The following PTPRN2 variants were observed in gnomAD, a reference collection of about 807,000 sequenced individuals.
The protein encoded by PTPRN2 is protein tyrosine phosphatase receptor type N2, also known as receptor-type tyrosine-protein phosphatase N2.
In PTPRN2, 74 loss-of-function variants were observed where a neutral mutation model predicts 118.8. That is an observed-to-expected ratio of 0.62 (90% CI 0.52 to 0.76). The LOEUF is 0.76. Among genes scored for constraint, PTPRN2 ranks in the 30% least tolerant of loss-of-function variants. The pLI, the probability that PTPRN2 is intolerant of heterozygous loss-of-function variation, is 0.00. For missense variants in PTPRN2, 1,481 were observed against 1,394.4 expected, an observed-to-expected ratio of 1.06 and a Z score of -0.99; for synonymous variants, 641 against 608.0, an observed-to-expected ratio of 1.05 and a Z score of -0.80.
chr7:157,899,745 G>T (rs1797335448), intron 11 of PTPRN2, among the ~76,000 whole-genome samples: 1 of 152,096 alleles, frequency 6.6e-6, no homozygotes, highest in South Asian at 2.1e-4. Flanking sequence ...ATTGTCTTAT[G>T]GAAAGTTTTT....
intron 12 of PTPRN2, among the ~76,000 whole-genome samples, chr7:157,835,511 C>T (rs777423227): frequency 1.1e-4 from 16 of 152,272 alleles, no homozygotes; most frequent in African/African-American, 2.4e-4. Flanking sequence ...ATATTAGAGA[C>T]GTACGGCACA....
intron 3 of PTPRN2, among the ~76,000 whole-genome samples, chr7:158,313,017 T>C (rs1801993747): frequency 6.6e-6 from 1 of 151,784 alleles, no homozygotes; most frequent in Non-Finnish European, 1.5e-5. Context: ...GGTGTGTGCG[T>C]GTGTGGGTAT....
In PTPRN2 at chr7:158,184,418, A is replaced by G. The variant is rs995302942; in HGVS notation, c.549+7909T>C. 6.6e-5 allele frequency among the ~76,000 whole-genome samples: 10 copies of G among 152,340 alleles called. No individual in the cohort carries two copies. The East Asian group carries it at 1.2e-3, about 18-fold the overall frequency. The stretch of plus-strand genomic sequence containing the variant: ...AATTGTTGCTAGTATACAGAAATAA[A>G]TTAATTTTTGTGTGCTGACTTTGCA... On this transcript the variant is annotated intron_variant, in intron 5 of 22. Coordinates refer to ENST00000389418, the MANE Select transcript of PTPRN2 (RefSeq NM_002847.5).
At chr7:157,875,686 G>T (rs558930166) in intron 12 of PTPRN2, among the ~76,000 whole-genome samples, 19 of 152,316 alleles carry the variant, frequency 1.2e-4, no homozygotes, top group South Asian at 4.1e-4. Context: ...AGCACCTTGG[G>T]CCTCGGGGGT....
At chr7:157,738,744 G>T (rs1272480523) in intron 12 of PTPRN2, among the ~76,000 whole-genome samples, 1 of 152,090 alleles carries the variant, frequency 6.6e-6, no homozygotes, top group Non-Finnish European at 1.5e-5. Context: ...TTATTTCAGA[G>T]CTCCGTGCTG....
intron 11 of PTPRN2, among the ~76,000 whole-genome samples, chr7:158,071,685 G>GTA (rs1410457787): frequency 7.6e-6 from 1 of 131,044 alleles, no homozygotes; most frequent in African/African-American, 2.8e-5. Flanking sequence ...GGTGCTCCTG[G>GTA]TGGAGGTGCT....
At chr7:158,041,905 C>T (rs1236144946) in intron 11 of PTPRN2, among the ~76,000 whole-genome samples, 1 of 152,200 alleles carries the variant, frequency 6.6e-6, no homozygotes, top group African/African-American at 2.4e-5. Context: ...GACAGACTTC[C>T]TTCAGCCATG....
chr7:157,930,573 G>A (rs937236337), intron 11 of PTPRN2, among the ~76,000 whole-genome samples: 7 of 152,218 alleles, frequency 4.6e-5, no homozygotes, highest in Admixed American at 1.3e-4. Flanking sequence ...CTGGAGCACC[G>A]GAGGGTGCCA....
At chr7:157,761,135 G>A (rs1280683185) in intron 12 of PTPRN2, among the ~76,000 whole-genome samples, 3 of 151,358 alleles carry the variant, frequency 2.0e-5, no homozygotes, top group Admixed American at 1.3e-4. Context: ...CATGCTCATG[G>A]GTAGGAAGAA....
At chr7:157,634,091 G>A (rs1167519010) in intron 14 of PTPRN2, among the ~76,000 whole-genome samples, 1 of 144,032 alleles carries the variant, frequency 6.9e-6, no homozygotes, top group African/African-American at 2.9e-5. Flanking sequence ...CAGGCAACAC[G>A]TCCTAGGATT....
chr7:157,916,760 G>A (rs930877924), intron 11 of PTPRN2, among the ~76,000 whole-genome samples: 7 of 150,340 alleles, frequency 4.7e-5, no homozygotes, highest in African/African-American at 1.7e-4. Context: ...CACGCACCCC[G>A]GCCACTCCGG....
At chr7:158,084,810 A>G (rs1449965578) in intron 10 of PTPRN2, among the ~76,000 whole-genome samples, 210 of 138,870 alleles carry the variant, frequency 1.5e-3, no homozygotes, top group Non-Finnish European at 2.5e-4. Context: ...ACGGATGCCC[A>G]TACACTCCTA....
chr7:157,606,677 C>A (rs1455394401), intron 15 of PTPRN2, among the ~76,000 whole-genome samples: 1 of 152,246 alleles, frequency 6.6e-6, no homozygotes, highest in Non-Finnish European at 1.5e-5. Context: ...TGGGCGCTGG[C>A]ACCAGAAGGA....
At chr7:158,102,012 C>T (rs1262396344) in intron 10 of PTPRN2, among the ~76,000 whole-genome samples, 1 of 152,108 alleles carries the variant, frequency 6.6e-6, no homozygotes. Context: ...TGCAGCTGAC[C>T]CTGGGGCCCC....
intron 17 of PTPRN2, among the ~76,000 whole-genome samples, chr7:157,592,215 A>C (rs140755745): frequency 1.7e-4 from 26 of 152,382 alleles, no homozygotes; most frequent in Admixed American, 5.9e-4. Context: ...CATAAGATGT[A>C]AACACTGATC....
intron 4 of PTPRN2, among the ~76,000 whole-genome samples, chr7:158,197,728 G>A (rs1474994127): frequency 1.3e-5 from 2 of 152,200 alleles, no homozygotes; most frequent in Admixed American, 1.3e-4. Flanking sequence ...GGTGGCAGGA[G>A]AGAGAAGTGC....
intron 9 of PTPRN2, among the ~76,000 whole-genome samples, chr7:158,118,638 AT>A (rs1331083791): frequency 1.3e-5 from 2 of 152,228 alleles, no homozygotes; most frequent in Admixed American, 6.5e-5. Context: ...TTTAAGGACT[AT>A]TTCTATAGTA....
chr7:157,881,921 T>G lies in PTPRN2; in HGVS notation c.1788+16752A>C, dbSNP rs1214994903. Among the ~76,000 whole-genome samples the G allele has an allele frequency of 6.6e-6, 1 of 152,158 alleles. No individual in the cohort carries two copies. The highest frequency in any genetic ancestry group is 1.5e-5 in the Non-Finnish European group (1 of 68,036). ...TAGGGCCCTCCACCATCCATCAGTTTCTAATGTAGGAGATGAGAACACATC... is the reference window on the plus strand; with the variant it reads ...TAGGGCCCTCCACCATCCATCAGTTGCTAATGTAGGAGATGAGAACACATC... On this transcript the variant is annotated intron_variant, in intron 12 of 22. Transcript: ENST00000389418. This position sits in a 1 kb window ranked among gnomAD's most constrained non-coding sequence, Gnocchi z 4.7.
intron 11 of PTPRN2, among the ~76,000 whole-genome samples, chr7:158,056,642 G>A (rs1809815943): frequency 6.6e-6 from 1 of 152,212 alleles, no homozygotes; most frequent in African/African-American, 2.4e-5. Flanking sequence ...GAGCAGGAGT[G>A]TGCTGGACTC....
Sources: gnomAD v4.1 joint callset for allele counts (sites outside exome capture counted in the v4.1 genomes callset) on GRCh38, gnomAD v4.1.1 for gene constraint, Gnocchi (gnomAD v3.1) non-coding constraint, MANE v1.5 for transcripts, NCBI Gene and HGNC (gene_info 2026-07-23, HGNC 2026-07-21) for gene names.